The following PTGS1 variants were observed in gnomAD, a reference collection of about 807,000 sequenced individuals.
The protein encoded by PTGS1 is prostaglandin G/H synthase 1.
PTGS1 carries 40 observed loss-of-function variants against 63.0 expected under a neutral mutation model. The observed-to-expected ratio is 0.63, with a 90% confidence interval of 0.49 to 0.83. The LOEUF is 0.83. Among genes scored for constraint, PTGS1 ranks in the 40% least tolerant of loss-of-function variants. PTGS1 has a pLI of 0.00. For synonymous variants in PTGS1, 298 were observed against 301.9 expected (o/e 0.99, Z 0.13); for missense variants, 709 against 786.5 (o/e 0.90, Z 1.18).
intron 2 of PTGS1, among the ~76,000 whole-genome samples, chr9:122,374,214 G>A (rs1009861935): frequency 1.2e-4 from 19 of 152,166 alleles, no homozygotes; most frequent in Non-Finnish European, 2.9e-5. Flanking sequence ...GTGTCTTGGG[G>A]ACTCAGTGAG....
At position 122,386,543 on chromosome 9, in the gene PTGS1, G is replaced by T. The variant is rs1309870814; in HGVS notation, c.1107G>T (p.Gln369His). 3.1e-6 allele frequency: 5 copies of T among 1,614,060 alleles called. No individual in the cohort carries two copies. The African/African-American group carries it at 6.7e-5, about 22-fold the overall frequency. Residue 369 changes from glutamine (Q) to histidine (H), a missense_variant, in exon 9 of 11, where the codon CAG becomes CAT. Transcript: ENST00000362012. ...ACCCAGAGCTGCTGTTCGGTGTCCA[G>T]TTCCAATACCGCAACCGCATTGCCA... ...KFDPELLFGVQFQYRNRIAME... is the reference protein window; with the variant it reads ...KFDPELLFGVHFQYRNRIAME...
Position 122,383,630 on chromosome 9 carries a change from C to T in PTGS1, c.884C>T (p.Pro295Leu), listed in dbSNP as rs1367041659. 6.2e-7 allele frequency: 1 copy of T among 1,614,190 alleles called. No individual in the cohort carries two copies. The highest frequency in any genetic ancestry group is 1.7e-5 in the Admixed American group (1 of 60,024). Residue 295 changes from proline (P) to leucine (L), a missense_variant, in exon 8 of 11, where the codon CCT becomes CTT. Coordinates refer to ENST00000362012, the MANE Select transcript of PTGS1 (RefSeq NM_000962.4). ...AVGQEVFGLL[P>L]GLMLYATLWL... ...GGCCAGGAGGTGTTTGGGCTGCTTC[C>T]TGGGCTCATGCTGTATGCCACGCTC... is the stretch of plus-strand genomic sequence containing the variant.
Position 122,386,868 on chromosome 9 carries a change from A to G in PTGS1, c.1296+136A>G. The G allele has an allele frequency of 4.8e-6, 5 of 1,036,184 alleles. No homozygotes were observed. The South Asian group carries it at 8.3e-5, about 17-fold the overall frequency. The allele number at this position is 1,036,184 out of a possible 1,614,324, so 64.2% of individuals were successfully genotyped here. On this transcript the variant is annotated intron_variant, in intron 9 of 10. Coordinates refer to ENST00000362012, the MANE Select transcript of PTGS1 (RefSeq NM_000962.4). Reference sequence around the variant, plus strand: ...GGGCAGTTGTAAGCATTCCTGTGTGAGTTCATTGGTTCATTTGTCCATTCC... The same window carrying G: ...GGGCAGTTGTAAGCATTCCTGTGTGGGTTCATTGGTTCATTTGTCCATTCC...
chr9:122,371,776 G>A (rs776388989), intron 2 of PTGS1: 61 of 1,533,856 alleles, frequency 4.0e-5, no homozygotes, highest in Non-Finnish European at 2.5e-5. Flanking sequence ...TTAGGAGCCG[G>A]GATGCTTCAT....
At position 122,394,843 on chromosome 9, in the gene PTGS1, C is replaced by G. The variant is rs982998878; in HGVS notation, c.*2299C>G. On this transcript the variant is annotated 3_prime_UTR_variant, in exon 11 of 11. Transcript: ENST00000362012. ...TGCCCTTCTCAAGACTTTAGCTTTT[C>G]CTTCCATCCGGTGGCCTATTCCAGG... The G allele has an allele frequency of 1.3e-5, 2 of 152,274 alleles. No homozygotes were observed. Among genetic ancestry groups the G allele is most frequent in the African/African-American group, 4.8e-5 (2 of 41,456 alleles). The allele number at this position is 152,274 out of a possible 1,614,324, so 9.4% of individuals were successfully genotyped here.
chr9:122,387,405 T>C (rs75641423), intron 9 of PTGS1, among the ~76,000 whole-genome samples: 4,272 of 152,304 alleles, frequency 0.028, 103 homozygotes, highest in South Asian at 0.11. Context: ...CTGGGCTGAA[T>C]TGTGGCTCTT....
rs1188565180 is a variant in PTGS1, at chr9:122,381,735, A to G, written c.750A>G (p.Lys250=). ...AACTGCGGCTCTTTAAGGATGGGAA[A>G]CTCAAGTACCAGGTAGTGCTGGGCC... is the stretch of plus-strand genomic sequence containing the variant. ...QYQLRLFKDG[K]LKYQVLDGEM... is the part of the protein sequence containing the mutation. The change falls in exon 7 of 11, where the codon AAA becomes AAG. Residue 250 remains lysine, a synonymous_variant. Transcript: ENST00000362012. 1 of 1,612,062 alleles carries G rather than the reference A, an allele frequency of 6.2e-7. No individual in the cohort carries two copies. The highest frequency in any genetic ancestry group is 8.5e-7 in the Non-Finnish European group (1 of 1,179,820).
At chr9:122,375,059 G>A (rs1337267550) in intron 2 of PTGS1, among the ~76,000 whole-genome samples, 1 of 152,206 alleles carries the variant, frequency 6.6e-6, no homozygotes, top group Non-Finnish European at 1.5e-5. Flanking sequence ...TGGCTGGGCT[G>A]TGATGGTCAG....
chr9:122,375,312 C>T (rs908536503), intron 2 of PTGS1: 2 of 985,490 alleles, frequency 2.0e-6, no homozygotes, highest in Non-Finnish European at 2.4e-6. Context: ...GTTCCAGCTT[C>T]AGCGTCTGGA....
At chr9:122,382,536 TC>T (rs1428109493) in intron 7 of PTGS1, among the ~76,000 whole-genome samples, 1 of 152,248 alleles carries the variant, frequency 6.6e-6, no homozygotes, top group East Asian at 1.9e-4. Flanking sequence ...AGCTGAAGTA[TC>T]AGTTTTAAAA....
intron 10 of PTGS1, among the ~76,000 whole-genome samples, chr9:122,391,163 G>C (rs932197183): frequency 4.0e-5 from 6 of 150,732 alleles, no homozygotes; most frequent in Non-Finnish European, 8.8e-5. Context: ...CTCTCCTACG[G>C]ATTCTGATTC....
Position 122,390,346 on chromosome 9 carries a change from G to T in PTGS1, c.1444+1G>T. On this transcript the variant is annotated splice_donor_variant, in intron 10 of 10. Transcript: ENST00000362012. LOFTEE classifies it high-confidence loss of function. ...TACACCTCCTTCCAGGAGCTCGTAG[G>T]TGAGCAGCTGTTTCCTGGATGCAGT... is the stretch of plus-strand genomic sequence containing the variant. The T allele has an allele frequency of 6.2e-7, 1 of 1,613,894 alleles. No individual in the cohort carries two copies. The highest frequency in any genetic ancestry group is 1.3e-5 in the African/African-American group (1 of 75,076).
chr9:122,373,838 C>T (rs1212968826), intron 2 of PTGS1, among the ~76,000 whole-genome samples: 1 of 150,980 alleles, frequency 6.6e-6, no homozygotes, highest in Non-Finnish European at 1.5e-5. Context: ...CCAGGCCAAA[C>T]CAGTCAGGGT....
At chr9:122,379,107 C>T (rs1183589469) in intron 5 of PTGS1, among the ~76,000 whole-genome samples, 189 bp downstream of exon 5, 1 of 152,162 alleles carries the variant, frequency 6.6e-6, no homozygotes, top group Non-Finnish European at 1.5e-5. Context: ...CCTGAGGTCA[C>T]CTAGAGTCAG....
At chr9:122,378,213 G>A (rs1837292359) in intron 3 of PTGS1, among the ~76,000 whole-genome samples, 198 bp downstream of exon 3, 1 of 152,172 alleles carries the variant, frequency 6.6e-6, no homozygotes, top group African/African-American at 2.4e-5. Context: ...CTGCTTCTGA[G>A]TTCCATGGTG....
In PTGS1 at chr9:122,381,362, C is replaced by A; in HGVS notation, c.497-9C>A. 1 of 1,613,346 alleles carries A rather than the reference C, an allele frequency of 6.2e-7. No homozygotes were observed. Among genetic ancestry groups the A allele is most frequent in the Middle Eastern group, 1.7e-4 (1 of 6,046 alleles). On this transcript the variant is annotated splice_polypyrimidine_tract_variant and intron_variant, in intron 5 of 10. Coordinates refer to ENST00000362012, the MANE Select transcript of PTGS1 (RefSeq NM_000962.4). ...GAGAAGCTACTGCTGTTTCCTACCC[C>A]CCAACCAGGGAAGAAGCAGTTGCCA...
At chr9:122,371,567 A>G (rs1204890587) in intron 2 of PTGS1, 2 of 1,424,840 alleles carry the variant, frequency 1.4e-6, no homozygotes, top group Non-Finnish European at 1.8e-6. Flanking sequence ...TGGGCCCCAG[A>G]TGTCTAAGCA....
chr9:122,391,095 C>T (rs572937741), intron 10 of PTGS1, among the ~76,000 whole-genome samples: 27 of 151,518 alleles, frequency 1.8e-4, no homozygotes, highest in East Asian at 1.4e-3. Context: ...TACCCACTTA[C>T]GGGCCAGCTG....
rs202234148 is a variant in PTGS1 at position 122,386,535 on chromosome 9, G to A, written c.1099G>A (p.Gly367Ser). 5.3e-5 allele frequency: 86 copies of A among 1,614,032 alleles called. No homozygotes were observed. Among genetic ancestry groups the A allele is most frequent in the Non-Finnish European group, 6.4e-5 (76 of 1,180,046 alleles). The change falls in exon 9 of 11, where the codon GGT becomes AGT. Residue 367 changes from glycine to serine, a missense_variant. By Grantham distance (56) the Gly-to-Ser change is moderately conservative. Coordinates refer to ENST00000362012, the MANE Select transcript of PTGS1 (RefSeq NM_000962.4). ...GAAATTTGACCCAGAGCTGCTGTTC[G>A]GTGTCCAGTTCCAATACCGCAACCG... ...QLKFDPELLFGVQFQYRNRIA... is the reference protein window; with the variant it reads ...QLKFDPELLFSVQFQYRNRIA...
Sources: gnomAD v4.1 joint callset for allele counts (sites outside exome capture counted in the v4.1 genomes callset) on GRCh38, gnomAD v4.1.1 for gene constraint, MANE v1.5 for transcripts, NCBI Gene and HGNC (gene_info 2026-07-23, HGNC 2026-07-21) for gene names.